RNMT: variants seen among roughly 807,000 people sequenced by gnomAD.
RNMT encodes the protein mRNA cap guanine-N(7) methyltransferase.
A neutral mutation model predicts 56.0 loss-of-function variants in RNMT; 27 were observed. The ratio of observed to expected loss-of-function variants is 0.48; its 90% CI spans 0.36 to 0.67. The LOEUF (loss-of-function observed/expected upper bound fraction) is 0.67, where lower values mean the gene tolerates loss of function less well. Ranked by LOEUF, RNMT falls within the 30% of genes least tolerant of loss-of-function variation. RNMT has a pLI of 0.00. For missense variants in RNMT, 519 were observed against 552.1 expected (o/e 0.94, Z 0.60); for synonymous variants, 184 against 176.2 (o/e 1.04, Z -0.35).
rs1456716687 is a variant in RNMT at position 13,760,243 on chromosome 18, C to T, written c.*264C>T. Reference sequence around the variant, plus strand: ...TAAGAATTCCATTTGCCTCTATGATCTTAGCTCATAAAAATATAATATGAC... The same window carrying T: ...TAAGAATTCCATTTGCCTCTATGATTTTAGCTCATAAAAATATAATATGAC... On this transcript the variant is annotated 3_prime_UTR_variant, in exon 12 of 12. Coordinates refer to ENST00000383314, the MANE Select transcript of RNMT (RefSeq NM_003799.3). 1 of 1,166,462 alleles carries T rather than the reference C, an allele frequency of 8.6e-7. No individual in the cohort carries two copies. Among genetic ancestry groups the T allele is most frequent in the African/African-American group, 1.6e-5 (1 of 63,026 alleles). 72.3% of individuals were successfully genotyped at this position (1,166,462 alleles called of 1,614,324 possible).
At chr18:13,759,825 T>C in intron 11 of RNMT, 117 bp from the exon 12 acceptor site, 1 of 797,120 alleles carries the variant, frequency 1.3e-6, no homozygotes, top group Non-Finnish European at 2.1e-6. Flanking sequence ...AATGGGGATT[T>C]TCCTCTTCAG....
chr18:13,761,977 G>T lies in RNMT; in HGVS notation c.*1998G>T, dbSNP rs1015758495. ...ATCCTCTCCGATCACCAAGGTGGAA[G>T]GGAGCTAGTAGGACTCTTCCTTGAC... On this transcript the variant is annotated 3_prime_UTR_variant, in exon 12 of 12. Coordinates refer to ENST00000383314, the MANE Select transcript of RNMT (RefSeq NM_003799.3). 6 of 1,532,804 alleles carry T rather than the reference G, an allele frequency of 3.9e-6. No homozygotes were observed. In the African/African-American group the frequency reaches 8.2e-5, roughly 21 times the overall value. 95.0% of individuals were successfully genotyped at this position (1,532,804 alleles called of 1,614,324 possible).
rs138804893 is a variant in RNMT, at chr18:13,756,861, C to T, written c.1393+2714C>T. On this transcript the variant is annotated intron_variant, in intron 11 of 11. Transcript: ENST00000383314. ...CTTAGATGGACTTGATCTTGACTCACTGTTGAGTATCCTAGCACATGCCCC... is the reference window on the plus strand; with the variant it reads ...CTTAGATGGACTTGATCTTGACTCATTGTTGAGTATCCTAGCACATGCCCC... Among the ~76,000 whole-genome samples the T allele has an allele frequency of 2.2e-4, 33 of 152,308 alleles. No homozygotes were observed. In the East Asian group the frequency reaches 5.4e-3, roughly 25 times the overall value.
At position 13,760,302 on chromosome 18, in the gene RNMT, C is replaced by A; in HGVS notation, c.*323C>A. ...GCAACTAAACTCTTTCCACAGTGTT[C>A]AGATTTGTCCTGTGTGTGTTTACAG... On this transcript the variant is annotated 3_prime_UTR_variant, in exon 12 of 12. Transcript: ENST00000383314. 1 of 1,064,636 alleles carries A rather than the reference C, an allele frequency of 9.4e-7. No individual in the cohort carries two copies. Among genetic ancestry groups the A allele is most frequent in the African/African-American group, 1.7e-5 (1 of 59,918 alleles). 65.9% of individuals were successfully genotyped at this position (1,064,636 alleles called of 1,614,324 possible).
chr18:13,744,180 T>TTTTTTTTTTTTTTTTTTTTG (rs2044310931), intron 8 of RNMT, among the ~76,000 whole-genome samples: 1 of 142,098 alleles, frequency 7.0e-6, no homozygotes, highest in Non-Finnish European at 1.5e-5. Context: ...TTTTTTTTTT[T>TTTTTTTTTTTTTTTTTTTTG]TTTTTGACTT....
chr18:13,727,735 C>T (rs943925038), intron 1 of RNMT, among the ~76,000 whole-genome samples: 2 of 152,182 alleles, frequency 1.3e-5, no homozygotes, highest in African/African-American at 2.4e-5. Flanking sequence ...AATTTCTCTT[C>T]TTCATCCCGC....
At chr18:13,750,524 A>C (rs982025491) in intron 9 of RNMT, among the ~76,000 whole-genome samples, 1 of 152,118 alleles carries the variant, frequency 6.6e-6, no homozygotes, top group Non-Finnish European at 1.5e-5. Flanking sequence ...ATAAGGCTGG[A>C]TGTGGTGGTT....
chr18:13,742,396 TGTA>T, intron 7 of RNMT, 89 bp from the exon 8 acceptor site: 1 of 1,130,276 alleles, frequency 8.8e-7, no homozygotes, highest in Non-Finnish European at 1.3e-6. Flanking sequence ...GTGTGCATCA[TGTA>T]GTTTTTCACA....
chr18:13,751,203 A>C (rs2044438384), intron 9 of RNMT, among the ~76,000 whole-genome samples: 1 of 152,244 alleles, frequency 6.6e-6, no homozygotes, highest in East Asian at 1.9e-4. Flanking sequence ...AATGGGAGAA[A>C]ATTTTTGCCG....
In RNMT at chr18:13,763,738, C is replaced by T. The variant is rs1330536125; in HGVS notation, c.*3759C>T. Reference sequence around the variant, plus strand: ...GAGAGCCAGGATTTTCACACCCCCTCCTCAAGCTGGGCCTGCCCTCCAAGT... The same window carrying T: ...GAGAGCCAGGATTTTCACACCCCCTTCTCAAGCTGGGCCTGCCCTCCAAGT... On this transcript the variant is annotated 3_prime_UTR_variant, in exon 12 of 12. Coordinates refer to ENST00000383314, the MANE Select transcript of RNMT (RefSeq NM_003799.3). 6.6e-6 allele frequency: 1 copy of T among 152,602 alleles called. No homozygotes were observed. The highest frequency in any genetic ancestry group is 1.9e-4 in the East Asian group (1 of 5,204). The allele number at this position is 152,602 out of a possible 1,614,324, so 9.5% of individuals were successfully genotyped here.
intron 1 of RNMT, among the ~76,000 whole-genome samples, chr18:13,729,245 G>A (rs1254690538): frequency 6.6e-6 from 1 of 152,194 alleles, no homozygotes; most frequent in Non-Finnish European, 1.5e-5. Flanking sequence ...GAACAAGTTG[G>A]CTGTAAACAT....
chr18:13,747,807 A>G (rs1344481150), intron 9 of RNMT, among the ~76,000 whole-genome samples: 1 of 152,224 alleles, frequency 6.6e-6, no homozygotes. Flanking sequence ...TATATTAGGA[A>G]TGGATGCTTG....
At chr18:13,729,746 C>A (rs1189912395) in intron 1 of RNMT, among the ~76,000 whole-genome samples, 1 of 151,958 alleles carries the variant, frequency 6.6e-6, no homozygotes, top group Non-Finnish European at 1.5e-5. Flanking sequence ...TTTCATTATC[C>A]AAAAGGCTTT....
chr18:13,736,757 A>G (rs1568501121), intron 4 of RNMT, among the ~76,000 whole-genome samples: 2 of 152,216 alleles, frequency 1.3e-5, no homozygotes, highest in African/African-American at 4.8e-5. Flanking sequence ...TTCATTTTTG[A>G]AAGTTAACAT....
chr18:13,744,159 C>CTTCTTTTTTTTTTTTTT (rs2044308314), intron 8 of RNMT, among the ~76,000 whole-genome samples: 1 of 91,426 alleles, frequency 1.1e-5, no homozygotes, highest in Non-Finnish European at 2.2e-5. Flanking sequence ...TAGCGGTCTT[C>CTTCTTTTTTTTTTTTTT]TTTTTTTTTT....
In RNMT at chr18:13,738,007, C is replaced by G. The variant is rs966500712; in HGVS notation, c.679+872C>G. The stretch of plus-strand genomic sequence containing the variant: ...AAAAGTCGATAGTAACGCAATGAAT[C>G]AATCAATCAATCACCTTAGCCCGGT... On this transcript the variant is annotated intron_variant, in intron 5 of 11. Coordinates refer to ENST00000383314, the MANE Select transcript of RNMT (RefSeq NM_003799.3). 4.6e-5 allele frequency among the ~76,000 whole-genome samples: 7 copies of G among 151,276 alleles called. No individual in the cohort carries two copies. The East Asian group carries it at 1.2e-3, about 25-fold the overall frequency.
rs1192692601 is a variant in RNMT, at chr18:13,761,767, G to A, written c.*1788G>A. On this transcript the variant is annotated 3_prime_UTR_variant, in exon 12 of 12. Coordinates refer to ENST00000383314, the MANE Select transcript of RNMT (RefSeq NM_003799.3). The stretch of plus-strand genomic sequence containing the variant: ...GCTTACTGGAGCCACACCTGCAGGC[G>A]CTGTGTTCAGGCACCACCTTCCTCC... 6.6e-6 allele frequency: 8 copies of A among 1,207,524 alleles called. No individual in the cohort carries two copies. The Admixed American group carries it at 1.2e-4, about 19-fold the overall frequency. The allele number at this position is 1,207,524 out of a possible 1,614,324, so 74.8% of individuals were successfully genotyped here.
At chr18:13,731,313 C>G (rs979325407) in intron 2 of RNMT, among the ~76,000 whole-genome samples, 163 bp from the exon 3 acceptor site, 1 of 151,414 alleles carries the variant, frequency 6.6e-6, no homozygotes, top group Non-Finnish European at 1.5e-5. Flanking sequence ...GAGGCTGAGG[C>G]GGGAGAATCA....
rs751226416 is a variant in RNMT at position 13,742,665 on chromosome 18, TA to T, written c.1139+15del. Reference sequence around the variant, plus strand: ...CATTGCTAAATGAGTAAGAAGTCATTAATCTGTTCACTCTTTTCTTTTTGTC... The same window carrying T: ...CATTGCTAAATGAGTAAGAAGTCATTATCTGTTCACTCTTTTCTTTTTGTC... On this transcript the variant is annotated intron_variant, in intron 8 of 11. Transcript: ENST00000383314. The T allele has an allele frequency of 5.2e-5, 82 of 1,592,006 alleles. No homozygotes were observed. Among genetic ancestry groups the T allele is most frequent in the Non-Finnish European group, 6.8e-5 (79 of 1,167,100 alleles).
Sources: allele counts gnomAD v4.1 joint callset (sites outside exome capture counted in the v4.1 genomes callset), GRCh38; gene constraint gnomAD v4.1.1; transcripts MANE v1.5; gene names NCBI Gene and HGNC (gene_info 2026-07-23, HGNC 2026-07-21).